The following PLXDC2 variants were observed in gnomAD, a reference collection of about 807,000 sequenced individuals.
PLXDC2 encodes plexin domain containing 2.
PLXDC2 carries 40 observed loss-of-function variants against 68.9 expected under a neutral mutation model. The ratio of observed to expected loss-of-function variants is 0.58; its 90% confidence interval spans 0.45 to 0.76. The LOEUF (loss-of-function observed/expected upper bound fraction) is 0.76. PLXDC2 is among the 30% of genes least tolerant of loss of function. The pLI, the probability that PLXDC2 is intolerant of heterozygous loss-of-function variation, is 0.00. For missense variants in PLXDC2, 644 were observed against 661.9 expected, an observed-to-expected ratio of 0.97 and a Z score of 0.30; for synonymous variants, 243 against 234.2, an observed-to-expected ratio of 1.04 and a Z score of -0.34.
chr10:20,238,061 C>G (rs548678213), intron 12 of PLXDC2, among the ~76,000 whole-genome samples: 7 of 151,644 alleles, frequency 4.6e-5, no homozygotes, highest in African/African-American at 1.7e-4. Context: ...ATGCCATATG[C>G]AAGTAAATCC....
intron 13 of PLXDC2, among the ~76,000 whole-genome samples, chr10:20,263,026 A>T (rs114133497): frequency 0.015 from 2,242 of 152,358 alleles, 50 homozygotes; most frequent in African/African-American, 0.05. Flanking sequence ...AAAGACCCTA[A>T]GTACCTTATT....
At chr10:20,238,978 A>AG (rs1835478234) in intron 12 of PLXDC2, among the ~76,000 whole-genome samples, 1 of 151,992 alleles carries the variant, frequency 6.6e-6, no homozygotes, top group African/African-American at 2.4e-5. Context: ...TCTTAAGCAC[A>AG]GGGCAAAAAA....
chr10:20,246,751 G>C (rs1409744980), intron 13 of PLXDC2, among the ~76,000 whole-genome samples: 1 of 152,106 alleles, frequency 6.6e-6, no homozygotes, highest in African/African-American at 2.4e-5. Flanking sequence ...TTCTCTTGCA[G>C]AATTTCAAAC....
chr10:19,824,432 G>A (rs928419204), intron 1 of PLXDC2, among the ~76,000 whole-genome samples: 6 of 152,084 alleles, frequency 3.9e-5, no homozygotes, highest in African/African-American at 7.2e-5. Flanking sequence ...AAATTGAATC[G>A]CCATAATACA....
intron 1 of PLXDC2, among the ~76,000 whole-genome samples, chr10:19,946,611 G>A (rs745351193): frequency 3.3e-5 from 5 of 151,750 alleles, no homozygotes; most frequent in South Asian, 2.1e-4. Context: ...ACCAGAGACC[G>A]ATTTTGTGAA....
At chr10:19,871,099 C>A (rs72784143) in intron 1 of PLXDC2, among the ~76,000 whole-genome samples, 1 of 151,998 alleles carries the variant, frequency 6.6e-6, no homozygotes, top group Non-Finnish European at 1.5e-5. Context: ...GAAGGCAGGT[C>A]TAGATCCTCT....
intron 1 of PLXDC2, among the ~76,000 whole-genome samples, chr10:19,840,949 A>T (rs1173978821): frequency 6.6e-6 from 1 of 152,184 alleles, no homozygotes; most frequent in Non-Finnish European, 1.5e-5. Flanking sequence ...ACTAATAACA[A>T]CATGATTACT....
chr10:20,026,621 T>A (rs1451240031), intron 2 of PLXDC2, among the ~76,000 whole-genome samples: 2 of 152,092 alleles, frequency 1.3e-5, no homozygotes, highest in Admixed American at 6.6e-5. Context: ...CGGGCTGCAG[T>A]GCAGGATGTG....
chr10:19,930,727 C>T (rs1398930116), intron 1 of PLXDC2, among the ~76,000 whole-genome samples: 1 of 152,116 alleles, frequency 6.6e-6, no homozygotes, highest in Non-Finnish European at 1.5e-5. Flanking sequence ...CTTTGGGAGG[C>T]CGAGGTGGGT....
chr10:20,010,132 A>G (rs61841769), intron 2 of PLXDC2, among the ~76,000 whole-genome samples: 4,606 of 152,212 alleles, frequency 0.03, 101 homozygotes, highest in Non-Finnish European at 0.045. Flanking sequence ...GGTCTCTGTC[A>G]TTGCCTTTCC....
chr10:19,915,264 A>G (rs937720804), intron 1 of PLXDC2, among the ~76,000 whole-genome samples: 3 of 151,964 alleles, frequency 2.0e-5, no homozygotes, highest in South Asian at 2.1e-4. Context: ...TGCTCTACCT[A>G]TAGTGTTTCT....
At chr10:19,957,526 C>A (rs1834091377) in intron 1 of PLXDC2, among the ~76,000 whole-genome samples, 2 of 152,048 alleles carry the variant, frequency 1.3e-5, no homozygotes, top group South Asian at 4.1e-4. Context: ...CTGGAAATAT[C>A]TTCTTCTCAT....
At position 19,819,368 on chromosome 10, in the gene PLXDC2, GA is replaced by G. The variant is rs1254503860; in HGVS notation, c.112+2184del. Among the ~76,000 whole-genome samples the G allele has an allele frequency of 2.0e-5, 3 of 151,796 alleles. No individual in the cohort carries two copies. In the South Asian group the frequency reaches 6.2e-4, roughly 31 times the overall value. On this transcript the variant is annotated intron_variant, in intron 1 of 13. Coordinates refer to ENST00000377252, the MANE Select transcript of PLXDC2 (RefSeq NM_032812.9). ...GGACATCATTTACATGTAGTTTTAT[GA>G]AAAAAATATTGTAATTAAATGGTTA...
intron 2 of PLXDC2, among the ~76,000 whole-genome samples, chr10:20,043,714 T>C (rs1416596584): frequency 6.6e-6 from 1 of 152,088 alleles, no homozygotes; most frequent in Non-Finnish European, 1.5e-5. Context: ...ATACTGTCAA[T>C]AGGGAAAAAA....
At chr10:20,136,879 T>C (rs1247006761) in intron 4 of PLXDC2, among the ~76,000 whole-genome samples, 2 of 152,216 alleles carry the variant, frequency 1.3e-5, no homozygotes, top group African/African-American at 4.8e-5. Flanking sequence ...CAAGCAATTA[T>C]AGCTTCTTTG....
At chr10:20,114,971 C>A (rs919985987) in intron 4 of PLXDC2, among the ~76,000 whole-genome samples, 2 of 152,166 alleles carry the variant, frequency 1.3e-5, no homozygotes, top group African/African-American at 4.8e-5. Flanking sequence ...ACCCGTCTAT[C>A]CTTAAAAGCT....
At chr10:20,204,609 T>C (rs1421647836) in intron 9 of PLXDC2, among the ~76,000 whole-genome samples, 3 of 152,200 alleles carry the variant, frequency 2.0e-5, no homozygotes, top group African/African-American at 4.8e-5. Context: ...TCCAAAAATC[T>C]TAATAATTTT....
intron 6 of PLXDC2, among the ~76,000 whole-genome samples, chr10:20,152,480 A>C (rs1191058505): frequency 6.6e-6 from 1 of 152,130 alleles, no homozygotes; most frequent in Non-Finnish European, 1.5e-5. Context: ...ACACAGCTGC[A>C]TATTTTAATT....
intron 1 of PLXDC2, among the ~76,000 whole-genome samples, chr10:19,879,995 A>C (rs959021635): frequency 6.6e-6 from 1 of 152,220 alleles, no homozygotes; most frequent in African/African-American, 2.4e-5. Flanking sequence ...GAAGTAGCAA[A>C]ACCATTCCAT....
Sources: gnomAD v4.1 joint callset for allele counts (sites outside exome capture counted in the v4.1 genomes callset) on GRCh38, gnomAD v4.1.1 for gene constraint, MANE v1.5 for transcripts, NCBI Gene and HGNC (gene_info 2026-07-23, HGNC 2026-07-21) for gene names.